The following CLCA1 variants were observed in gnomAD, a reference collection of about 807,000 sequenced individuals.
CLCA1 encodes the protein chloride channel accessory 1, also known as calcium-activated chloride channel regulator 1.
CLCA1 carries 59 observed loss-of-function variants against 85.6 expected under a neutral mutation model. The ratio of observed to expected loss-of-function variants is 0.69; its 90% CI spans 0.56 to 0.86. The LOEUF (loss-of-function observed/expected upper bound fraction) is 0.86, where lower values mean the gene tolerates loss of function less well. Among genes scored for constraint, CLCA1 ranks in the 40% least tolerant of loss-of-function variants. The pLI is 0.00. For synonymous variants in CLCA1, 396 were observed against 398.3 expected (o/e 0.99, Z 0.07); for missense variants, 1,022 against 1,101.4 (o/e 0.93, Z 1.02).
Position 86,498,216 on chromosome 1 carries a change from G to A in CLCA1, c.2114-356G>A, listed in dbSNP as rs5744426. Among the ~76,000 whole-genome samples the A allele has an allele frequency of 3.0e-3, 394 of 131,358 alleles. 2 individuals carry two copies. Among genetic ancestry groups the A allele is most frequent in the African/African-American group, 0.011 (379 of 35,350 alleles). The allele number at this position is 131,358 out of a possible 152,430, so 86.2% of individuals were successfully genotyped here. A position where few individuals can be genotyped will look rare whatever the true frequency, so the allele number is the denominator to read the frequency against. On this transcript the variant is annotated intron_variant, in intron 12 of 13. Coordinates refer to ENST00000394711, the MANE Select transcript of CLCA1 (RefSeq NM_001285.4). ...GAAGGAAGGAAGGAAGGAAAAAACA[G>A]ATGTAGTATTTAAACTGACCTTGTG... is the stretch of plus-strand genomic sequence containing the variant.
intron 6 of CLCA1, among the ~76,000 whole-genome samples, chr1:86,486,017 GGAGAGAGAGA>G (rs35497869): frequency 4.1e-5 from 6 of 147,322 alleles, no homozygotes; most frequent in African/African-American, 7.5e-5. Context: ...CATGGCAGCA[GGAGAGAGAGA>G]GAGAGAGAGA....
At chr1:86,495,044 A>T (rs370917512) in intron 11 of CLCA1, among the ~76,000 whole-genome samples, 2 of 127,068 alleles carry the variant, frequency 1.6e-5, no homozygotes, top group Admixed American at 1.8e-4. Flanking sequence ...AGTTTAAAAA[A>T]AAAAAAAAAA....
At chr1:86,498,287 T>A (rs983930889) in intron 12 of CLCA1, among the ~76,000 whole-genome samples, 1 of 151,842 alleles carries the variant, frequency 6.6e-6, no homozygotes. Context: ...AATAAGCAAT[T>A]TTAGGACAAA....
At chr1:86,473,105 T>C (rs1450683041) in intron 1 of CLCA1, among the ~76,000 whole-genome samples, 1 of 152,206 alleles carries the variant, frequency 6.6e-6, no homozygotes, top group Non-Finnish European at 1.5e-5. Flanking sequence ...TATAATATAA[T>C]ATTCCATTTT....
At chr1:86,498,078 GGTTGTAGT>G (rs1648343901) in intron 12 of CLCA1, among the ~76,000 whole-genome samples, 1 of 151,998 alleles carries the variant, frequency 6.6e-6, no homozygotes, top group Admixed American at 6.6e-5. Context: ...AGGAGGCAGA[GGTTGTAGT>G]GAGCCAAGAT....
chr1:86,495,795 A>G, intron 12 of CLCA1, 120 bp downstream of exon 12: 2 of 971,800 alleles, frequency 2.1e-6, no homozygotes, highest in Non-Finnish European at 2.9e-6. Flanking sequence ...CCTTGGCATT[A>G]TTAAGATTTT....
At chr1:86,493,717 A>C in intron 10 of CLCA1, 118 bp downstream of exon 10, 1 of 771,572 alleles carries the variant, frequency 1.3e-6, no homozygotes, top group Non-Finnish European at 2.1e-6. Context: ...GTATTGAATC[A>C]AAGAGAGAAC....
Position 86,491,348 on chromosome 1 carries a change from G to C in CLCA1, c.1441G>C (p.Ala481Pro). ...AFGALSSGNG[A>P]VSQRSIQLES... is the part of the protein sequence containing the mutation. ...TGGGGCCCTTTCATCAGGAAATGGAGCTGTCTCTCAGCGCTCCATCCAGGT... is the reference window on the plus strand; with the variant it reads ...TGGGGCCCTTTCATCAGGAAATGGACCTGTCTCTCAGCGCTCCATCCAGGT... The change falls in exon 9 of 14, where the codon GCT (alanine) becomes CCT (proline). Residue 481 changes from alanine (A) to proline (P), a missense_variant. Coordinates refer to ENST00000394711, the MANE Select transcript of CLCA1 (RefSeq NM_001285.4). The C allele has an allele frequency of 6.2e-7, 1 of 1,613,000 alleles. No individual in the cohort carries two copies. Among genetic ancestry groups the C allele is most frequent in the Non-Finnish European group, 8.5e-7 (1 of 1,179,122 alleles).
chr1:86,490,899 TAAAA>T (rs59948810), intron 8 of CLCA1, among the ~76,000 whole-genome samples: 2 of 89,706 alleles, frequency 2.2e-5, no homozygotes, highest in Non-Finnish European at 4.6e-5. Flanking sequence ...AACCCATCTC[TAAAA>T]AAAAAAAAAA....
rs775778841 is a variant in CLCA1 at position 86,480,051 on chromosome 1, ATGGAC to A, written c.558-2152_558-2148del. Among the ~76,000 whole-genome samples, 6 of 152,320 alleles carry A rather than the reference ATGGAC, an allele frequency of 3.9e-5. No homozygotes were observed. The South Asian group carries it at 6.2e-4, about 16-fold the overall frequency. On this transcript the variant is annotated intron_variant, in intron 4 of 13. Coordinates refer to ENST00000394711, the MANE Select transcript of CLCA1 (RefSeq NM_001285.4). ...AATTAACAGACTCTTTTCCAATTGG[ATGGAC>A]TCTTTAAAGATAAAAAGCAGAATGA...
intron 12 of CLCA1, 139 bp downstream of exon 12, chr1:86,495,814 C>A: frequency 1.3e-6 from 1 of 792,754 alleles, no homozygotes; most frequent in Non-Finnish European, 1.9e-6. Context: ...TTGAGCCAGA[C>A]AATCCTTTGT....
In CLCA1 at chr1:86,500,021, A is replaced by G; in HGVS notation, c.2721A>G (p.Gly907=). The G allele has an allele frequency of 1.2e-6, 2 of 1,611,326 alleles. No individual in the cohort carries two copies. Residue 907 remains glycine (G), a synonymous_variant, in exon 14 of 14, where the codon GGA becomes GGG. Transcript: ENST00000394711. ...HILKIMWKWI[G]ELQLSIA Reference sequence around the variant, plus strand: ...TAAAAATTATGTGGAAGTGGATAGGAGAACTGCAGCTGTCAATAGCCTAGG... The same window carrying G: ...TAAAAATTATGTGGAAGTGGATAGGGGAACTGCAGCTGTCAATAGCCTAGG...
chr1:86,473,287 C>T, intron 1 of CLCA1, 130 bp from the exon 2 acceptor site: 1 of 608,204 alleles, frequency 1.6e-6, no homozygotes, highest in Non-Finnish European at 2.8e-6. Context: ...AAAGGTATTT[C>T]TATATTTCTT....
intron 12 of CLCA1, among the ~76,000 whole-genome samples, chr1:86,495,936 T>G (rs530150006): frequency 6.6e-6 from 1 of 152,324 alleles, no homozygotes; most frequent in Admixed American, 6.5e-5. Context: ...TCTCCATATG[T>G]GGTCCACTAA....
chr1:86,482,085 C>T, intron 4 of CLCA1, 120 bp from the exon 5 acceptor site: 2 of 700,764 alleles, frequency 2.9e-6, no homozygotes, highest in East Asian at 2.7e-5. Flanking sequence ...ATGGGATGTC[C>T]TTGTTTCTTG....
Position 86,493,612 on chromosome 1 carries a change from CT to C in CLCA1, c.1680+20del, listed in dbSNP as rs751160475. 3.8e-6 allele frequency: 6 copies of C among 1,577,896 alleles called. No homozygotes were observed. Among genetic ancestry groups the C allele is most frequent in the East Asian group, 2.2e-5 (1 of 44,578 alleles). On this transcript the variant is annotated intron_variant, in intron 10 of 13. Coordinates refer to ENST00000394711, the MANE Select transcript of CLCA1 (RefSeq NM_001285.4). ...AGGCATTGCTAAGGTATGGAGTCAG[CT>C]TTTTTTCTTTCTCATAATTCAACAA... is the stretch of plus-strand genomic sequence containing the variant.
intron 13 of CLCA1, 74 bp downstream of exon 13, chr1:86,498,885 G>T: frequency 9.8e-6 from 15 of 1,533,546 alleles, no homozygotes; most frequent in Non-Finnish European, 1.3e-5. Context: ...GGTGAGGCAG[G>T]CAGCCGTGTT....
rs1327873267 is a variant in CLCA1 at position 86,495,675 on chromosome 1, GGTAA to G, written c.2113+5_2113+8del. On this transcript the variant is annotated splice_donor_variant and splice_donor_region_variant and intron_variant, in intron 12 of 13. Coordinates refer to ENST00000394711, the MANE Select transcript of CLCA1 (RefSeq NM_001285.4). LOFTEE classifies it high-confidence loss of function. ...GTACATACCTGGCTGGATTGAGAAT[GGTAA>G]GTAATTTGTAATAACATACCTGGCT... is the stretch of plus-strand genomic sequence containing the variant. The G allele has an allele frequency of 1.2e-5, 20 of 1,602,666 alleles. No individual in the cohort carries two copies. The highest frequency in any genetic ancestry group is 6.7e-5 in the East Asian group (3 of 44,634).
chr1:86,472,334 C>T (rs1448846616), intron 1 of CLCA1, among the ~76,000 whole-genome samples: 2 of 152,168 alleles, frequency 1.3e-5, no homozygotes, highest in African/African-American at 4.8e-5. Context: ...CACCGATGAT[C>T]ACGCCCTCCT....
Sources: allele counts gnomAD v4.1 joint callset (sites outside exome capture counted in the v4.1 genomes callset), GRCh38; gene constraint gnomAD v4.1.1; transcripts MANE v1.5; gene names NCBI Gene and HGNC (gene_info 2026-07-23, HGNC 2026-07-21).